PRXL2A: variants seen among roughly 807,000 people sequenced by gnomAD.
PRXL2A encodes peroxiredoxin like 2A.
Under a neutral mutation model 25.6 loss-of-function variants are expected in PRXL2A, and 26 were observed. The observed-to-expected ratio is 1.02, with a 90% CI of 0.74 to 1.41. PRXL2A has a LOEUF of 1.41. Ranked by LOEUF, PRXL2A falls within the 40% of genes most tolerant of loss-of-function variation. The pLI, the probability that PRXL2A is intolerant of heterozygous loss-of-function variation, is 0.00. For missense variants in PRXL2A, 246 were observed against 273.9 expected, an observed-to-expected ratio of 0.90 and a Z score of 0.72; for synonymous variants, 98 against 102.9, an observed-to-expected ratio of 0.95 and a Z score of 0.29.
At chr10:80,431,951 G>A in intron 5 of PRXL2A, 35 bp from the exon 6 acceptor site, 2 of 1,477,382 alleles carry the variant, frequency 1.4e-6, no homozygotes, top group Non-Finnish European at 1.9e-6. Flanking sequence ...AACGATTTAG[G>A]ATGAGGACTG....
chr10:80,412,222 G>C (rs941207742), intron 1 of PRXL2A, among the ~76,000 whole-genome samples: 2 of 152,096 alleles, frequency 1.3e-5, no homozygotes, highest in African/African-American at 4.8e-5. Context: ...TCCAGGCCCC[G>C]AGTGTCTTCA....
At chr10:80,427,629 A>C (rs1019522189) in intron 5 of PRXL2A, 133 bp downstream of exon 5, 2 of 835,928 alleles carry the variant, frequency 2.4e-6, no homozygotes, top group Non-Finnish European at 3.8e-6. Flanking sequence ...AAGCCAGGGA[A>C]CATGAAGAAG....
At chr10:80,416,119 G>A (rs1017435302) in intron 1 of PRXL2A, among the ~76,000 whole-genome samples, 7 of 152,222 alleles carry the variant, frequency 4.6e-5, no homozygotes, top group Admixed American at 2.0e-4. Flanking sequence ...AAGCAGATAA[G>A]AGCTGTGGTT....
At chr10:80,409,842 C>T (rs9787439) in intron 1 of PRXL2A, among the ~76,000 whole-genome samples, 3 of 152,020 alleles carry the variant, frequency 2.0e-5, no homozygotes, top group African/African-American at 7.3e-5. Flanking sequence ...TCTTGCAACT[C>T]TGTAGAAGGT....
At chr10:80,423,546 C>T (rs2131898764) in intron 3 of PRXL2A, among the ~76,000 whole-genome samples, 1 of 152,346 alleles carries the variant, frequency 6.6e-6, no homozygotes, top group African/African-American at 2.4e-5. Context: ...TCTCTCCATG[C>T]TTGTGTGGCT....
intron 1 of PRXL2A, among the ~76,000 whole-genome samples, chr10:80,411,919 T>G (rs1844487764): frequency 6.6e-6 from 1 of 152,174 alleles, no homozygotes; most frequent in Non-Finnish European, 1.5e-5. Flanking sequence ...TGATGCTGTC[T>G]CTACTTGTTT....
chr10:80,421,134 C>T (rs1359824636), intron 2 of PRXL2A, among the ~76,000 whole-genome samples: 1 of 152,156 alleles, frequency 6.6e-6, no homozygotes, highest in African/African-American at 2.4e-5. Flanking sequence ...CAGACATATG[C>T]TTATTAGAAT....
chr10:80,413,902 A>G (rs1434283191), intron 1 of PRXL2A: 1 of 1,231,320 alleles, frequency 8.1e-7, no homozygotes, highest in South Asian at 1.4e-5. Flanking sequence ...CCAAGTTTGA[A>G]GCGTCTGAGG....
upstream of PRXL2A, among the ~76,000 whole-genome samples, chr10:80,408,142 C>T (rs1844333864): frequency 6.7e-6 from 1 of 149,926 alleles, no homozygotes; most frequent in Non-Finnish European, 1.5e-5. Flanking sequence ...TGTGTCGGTC[C>T]TTTAGATTCC....
chr10:80,422,663 C>CT (rs35293617), intron 3 of PRXL2A, among the ~76,000 whole-genome samples, 155 bp downstream of exon 3: 29,733 of 142,258 alleles, frequency 0.21, 3,662 homozygotes, highest in South Asian at 0.45. Context: ...GATTTGTGCT[C>CT]TTTTTTTTTT....
chr10:80,424,193 T>C (rs1844957118), intron 3 of PRXL2A, among the ~76,000 whole-genome samples: 1 of 151,980 alleles, frequency 6.6e-6, no homozygotes, highest in Admixed American at 6.6e-5. Context: ...GTGGCCCAAC[T>C]AGGAGGTATG....
In PRXL2A at chr10:80,434,620, G is replaced by A; in HGVS notation, c.*2521G>A. 6.6e-6 allele frequency: 1 copy of A among 152,188 alleles called. No homozygotes were observed. The highest frequency in any genetic ancestry group is 1.9e-4 in the East Asian group (1 of 5,188). 9.4% of individuals were successfully genotyped at this position (152,188 alleles called of 1,614,324 possible). On this transcript the variant is annotated 3_prime_UTR_variant, in exon 6 of 6. Coordinates refer to ENST00000606162, the MANE Select transcript of PRXL2A (RefSeq NM_032333.5). ...TGCAGAGGTGATGGAATTTTAAAGA[G>A]GGGAGGGAGGAGGTTCAAATAGAAC...
At chr10:80,431,906 C>T in intron 5 of PRXL2A, 80 bp from the exon 6 acceptor site, 2 of 1,007,486 alleles carry the variant, frequency 2.0e-6, no homozygotes, top group Non-Finnish European at 3.1e-6. Context: ...AAAGGCTTGA[C>T]AGACAGCTGG....
At chr10:80,408,937 C>T (rs1487951370) in intron 1 of PRXL2A, 3 of 712,332 alleles carry the variant, frequency 4.2e-6, no homozygotes, top group East Asian at 1.3e-4. Context: ...CTAGGGCCCC[C>T]TCTGTCCACG....
chr10:80,436,076 AATT>A lies in PRXL2A; in HGVS notation c.*3982_*3984del, dbSNP rs925651077. 3 of 151,096 alleles carry A rather than the reference AATT, an allele frequency of 2.0e-5. No individual in the cohort carries two copies. Among genetic ancestry groups the A allele is most frequent in the African/African-American group, 7.3e-5 (3 of 41,176 alleles). The allele number at this position is 151,096 out of a possible 1,614,324, so 9.4% of individuals were successfully genotyped here. A position where few individuals can be genotyped will look rare whatever the true frequency, so the allele number is the denominator to read the frequency against. The stretch of plus-strand genomic sequence containing the variant: ...GGTTGGGGGCGGGGTGCAGTGTAAA[AATT>A]ATTAAATCAGAATCTCTGGGGTAGG... On this transcript the variant is annotated 3_prime_UTR_variant, in exon 6 of 6. Coordinates refer to ENST00000606162, the MANE Select transcript of PRXL2A (RefSeq NM_032333.5).
At chr10:80,419,536 G>A (rs924878597) in intron 1 of PRXL2A, among the ~76,000 whole-genome samples, 23 of 140,168 alleles carry the variant, frequency 1.6e-4, no homozygotes, top group African/African-American at 5.1e-4. Flanking sequence ...TCGAACTCCC[G>A]ACCTCAGGTG....
intron 1 of PRXL2A, among the ~76,000 whole-genome samples, chr10:80,411,870 G>A (rs1422159049): frequency 2.0e-5 from 3 of 152,146 alleles, no homozygotes; most frequent in Non-Finnish European, 2.9e-5. Context: ...TCCCTGGGTG[G>A]GGCTGGGCTG....
Position 80,433,946 on chromosome 10 carries a change from G to C in PRXL2A, c.*1847G>C, listed in dbSNP as rs376414160. 53 of 152,246 alleles carry C rather than the reference G, an allele frequency of 3.5e-4. No homozygotes were observed. Among genetic ancestry groups the C allele is most frequent in the African/African-American group, 1.2e-3 (51 of 41,530 alleles). The allele number at this position is 152,246 out of a possible 1,614,324, so 9.4% of individuals were successfully genotyped here. A position where few individuals can be genotyped will look rare whatever the true frequency, so the allele number is the denominator to read the frequency against. The stretch of plus-strand genomic sequence containing the variant: ...CAGGAGTTCGAGACCAGCCTGGCCA[G>C]CATGGTGAAACCCCATCTCTACTAA... On this transcript the variant is annotated 3_prime_UTR_variant, in exon 6 of 6. Coordinates refer to ENST00000606162, the MANE Select transcript of PRXL2A (RefSeq NM_032333.5).
At chr10:80,416,097 C>T (rs551797917) in intron 1 of PRXL2A, among the ~76,000 whole-genome samples, 2 of 152,326 alleles carry the variant, frequency 1.3e-5, no homozygotes, top group Admixed American at 6.5e-5. Context: ...TGGGAAATCT[C>T]TTGTTTACAG....
Sources: allele counts gnomAD v4.1 joint callset (sites outside exome capture counted in the v4.1 genomes callset), GRCh38; gene constraint gnomAD v4.1.1; transcripts MANE v1.5; gene names NCBI Gene and HGNC (gene_info 2026-07-23, HGNC 2026-07-21).